ZNF318: variants seen among roughly 807,000 people sequenced by gnomAD.
The protein encoded by ZNF318 is zinc finger protein 318, also known as endocrine regulator.
A neutral mutation model predicts 124.2 loss-of-function variants in ZNF318; 51 were observed. The ratio of observed to expected loss-of-function variants is 0.41; its 90% CI spans 0.33 to 0.52. ZNF318 has a LOEUF of 0.52. Among genes scored for constraint, ZNF318 ranks in the 20% least tolerant of loss-of-function variants. The pLI is 0.23. For synonymous variants in ZNF318, 1,090 were observed against 1,040.7 expected, an observed-to-expected ratio of 1.05 and a Z score of -0.91; for missense variants, 2,815 against 2,811.2, an observed-to-expected ratio of 1.00 and a Z score of -0.03.
At chr6:43,360,550 T>C (rs1453794903) in intron 2 of ZNF318, among the ~76,000 whole-genome samples, 1 of 152,246 alleles carries the variant, frequency 6.6e-6, no homozygotes, top group East Asian at 1.9e-4. Context: ...GGTTTCACTG[T>C]ACTATTCTAC....
chr6:43,355,403 T>C lies in ZNF318; in HGVS notation c.1931A>G (p.His644Arg), dbSNP rs1461217634. Residue 644 changes from histidine to arginine, a missense_variant, in exon 4 of 10, where the codon CAC becomes CGC. Physicochemically the swap from His to Arg is conservative, Grantham distance 29 (BLOSUM62 0). Coordinates refer to ENST00000361428, the MANE Select transcript of ZNF318 (RefSeq NM_014345.3). The stretch of plus-strand genomic sequence containing the variant: ...GAAGCGGTGGTCAACTGAGGAACAG[T>C]GGTCAGCTGAAAAGTATCGGTCAAC... ...SSVDRYFSAD[H>R]CSSVDHRFSA... 3.7e-6 allele frequency: 6 copies of C among 1,613,864 alleles called. No homozygotes were observed. The East Asian group carries it at 6.7e-5, about 18-fold the overall frequency.
At chr6:43,344,586 T>G (rs1293905556) in intron 6 of ZNF318, among the ~76,000 whole-genome samples, 1 of 152,200 alleles carries the variant, frequency 6.6e-6, no homozygotes, top group Non-Finnish European at 1.5e-5. Context: ...TTATCCAAAA[T>G]ACTTTCTCTA....
rs765299148 is a variant in ZNF318, at chr6:43,339,726, T to C, written c.4272A>G (p.Lys1424=). The C allele has an allele frequency of 3.1e-6, 5 of 1,614,092 alleles. No homozygotes were observed. The highest frequency in any genetic ancestry group is 4.2e-6 in the Non-Finnish European group (5 of 1,180,024). ...GCTCACTCTTTTCAGCCAACACCAC[T>C]TTTTCCTCTGGAGACCCTTTTAGAA... ...EVILKGSPEE[K]VVLAEKSEPS... The change falls in exon 10 of 10, where the codon AAA becomes AAG. Residue 1424 remains lysine (K), a synonymous_variant. Transcript: ENST00000361428. This position sits in a 1 kb window ranked among gnomAD's most constrained non-coding sequence, Gnocchi z 4.2.
At chr6:43,368,944 T>C (rs1779797017) in intron 1 of ZNF318, 23 bp downstream of exon 1, 1 of 1,372,544 alleles carries the variant, frequency 7.3e-7, no homozygotes, top group Non-Finnish European at 9.4e-7. Context: ...ATGGAGGGAG[T>C]CCTGGACGAG....
rs753675918 is a variant in ZNF318, at chr6:43,355,706, T to C, written c.1628A>G (p.Glu543Gly). The C allele has an allele frequency of 2.5e-6, 4 of 1,614,054 alleles. No homozygotes were observed. The African/African-American group carries it at 4.0e-5, about 16-fold the overall frequency. ...TACGGATTCTGCCTTTAAATCCTCTTCTTCATCCCCATAGAGAAATTTCTC... is the reference window on the plus strand; with the variant it reads ...TACGGATTCTGCCTTTAAATCCTCTCCTTCATCCCCATAGAGAAATTTCTC... Reference protein sequence around the residue: ...DEEKFLYGDEEEDLKAESVPK... With the variant: ...DEEKFLYGDEGEDLKAESVPK... Residue 543 changes from glutamate (E) to glycine (G), a missense_variant, in exon 4 of 10, where the codon GAA (glutamate) becomes GGA (glycine). Around this residue, in one of 4 missense-constraint regions of ZNF318, gnomAD observed 1,377 missense variants for 1,353.5 expected, o/e 1.02. Coordinates refer to ENST00000361428, the MANE Select transcript of ZNF318 (RefSeq NM_014345.3).
chr6:43,359,629 G>GT (rs1324868471), intron 2 of ZNF318, among the ~76,000 whole-genome samples: 16 of 152,052 alleles, frequency 1.1e-4, no homozygotes, highest in East Asian at 1.9e-4. Flanking sequence ...CTTTTCCTTA[G>GT]TTTTTTTAGT....
chr6:43,342,947 G>A, intron 6 of ZNF318, 68 bp from the exon 7 acceptor site: 1 of 1,323,582 alleles, frequency 7.6e-7, no homozygotes, highest in South Asian at 1.4e-5. Context: ...GTTAGAAATA[G>A]TAAGTGGCCA....
Position 43,352,404 on chromosome 6 carries a change from C to T in ZNF318, c.2743G>A (p.Glu915Lys), listed in dbSNP as rs749000532. 9.9e-6 allele frequency: 16 copies of T among 1,614,030 alleles called. No individual in the cohort carries two copies. The highest frequency in any genetic ancestry group is 1.3e-5 in the African/African-American group (1 of 74,928). The change falls in exon 5 of 10, where the codon GAG (glutamate) becomes AAG (lysine). Residue 915 changes from glutamate (E) to lysine (K), a missense_variant. This residue lies in a region of ZNF318 where 1,377 missense variants were observed against 1,353.5 expected (regional missense o/e 1.02). Transcript: ENST00000361428. ...TGTTGTTTATGAAGCCGCTCTAACT[C>T]GGTCCTAAGATAGTACATCTTCTTC... ...RQKKMYYLRT[E>K]LERLHKQQGE... is the part of the protein sequence containing the mutation.
At chr6:43,362,913 T>A (rs1178270747) in intron 2 of ZNF318, among the ~76,000 whole-genome samples, 2 of 152,190 alleles carry the variant, frequency 1.3e-5, no homozygotes, top group Non-Finnish European at 2.9e-5. Flanking sequence ...CTGGTTTTAG[T>A]GGACAGTAAT....
At position 43,338,657 on chromosome 6, in the gene ZNF318, G is replaced by A; in HGVS notation, c.5341C>T (p.Leu1781=). The A allele has an allele frequency of 6.2e-7, 1 of 1,614,104 alleles. No homozygotes were observed. Residue 1781 remains leucine (L), a synonymous_variant, in exon 10 of 10, where the codon CTA becomes TTA. Transcript: ENST00000361428. ...GACAGCTCCTTTACCCTTTCTTTTA[G>A]TTCAGTGTTTGTCTCTATCTCACTT... is the stretch of plus-strand genomic sequence containing the variant. ...RESEIETNTE[L]KERVKELSEG...
chr6:43,340,508 A>G lies in ZNF318; in HGVS notation c.3496-6T>C. On this transcript the variant is annotated splice_polypyrimidine_tract_variant and splice_region_variant and intron_variant, in intron 9 of 9. Coordinates refer to ENST00000361428, the MANE Select transcript of ZNF318 (RefSeq NM_014345.3). ...GGGTTTTCATCCACATATTTCTGGG[A>G]AGAAAAAAGATAAAGACTCAAAAAC... 6.4e-7 allele frequency: 1 copy of G among 1,570,744 alleles called. No homozygotes were observed. Among genetic ancestry groups the G allele is most frequent in the Non-Finnish European group, 8.6e-7 (1 of 1,164,640 alleles).
In ZNF318 at chr6:43,338,909, C is replaced by A. The variant is rs766189147; in HGVS notation, c.5089G>T (p.Ala1697Ser). 1 of 1,614,104 alleles carries A rather than the reference C, an allele frequency of 6.2e-7. No individual in the cohort carries two copies. The highest frequency in any genetic ancestry group is 2.2e-5 in the East Asian group (1 of 44,886). The change falls in exon 10 of 10, where the codon GCC (alanine) becomes TCC (serine). Residue 1697 changes from alanine to serine, a missense_variant. Around this residue, in one of 4 missense-constraint regions of ZNF318, gnomAD observed 927 missense variants for 820.6 expected, o/e 1.13. Coordinates refer to ENST00000361428, the MANE Select transcript of ZNF318 (RefSeq NM_014345.3). Reference protein sequence around the residue: ...ETITPKTDTLAIWTSSSFQSD... With the variant: ...ETITPKTDTLSIWTSSSFQSD... ...TGGAAGGAACTAGAGGTCCATATGG[C>A]CAAAGTGTCTGTCTTTGGGGTAATT...
chr6:43,360,500 T>TA (rs1031173050), intron 2 of ZNF318, among the ~76,000 whole-genome samples: 3 of 152,284 alleles, frequency 2.0e-5, no homozygotes, highest in East Asian at 3.9e-4. Flanking sequence ...TCTATCTATT[T>TA]AAAAAAACTG....
In ZNF318 at chr6:43,339,212, A is replaced by C. The variant is rs556961763; in HGVS notation, c.4786T>G (p.Leu1596Val). 34 of 1,614,178 alleles carry C rather than the reference A, an allele frequency of 2.1e-5. No individual in the cohort carries two copies. In the South Asian group the frequency reaches 3.7e-4, roughly 18 times the overall value. The change falls in exon 10 of 10, where the codon TTG becomes GTG. Residue 1596 changes from leucine to valine, a missense_variant. Transcript: ENST00000361428. The surrounding 1 kb of genome is among the most constrained non-coding windows in gnomAD (Gnocchi z 4.2). ...APETKLSGGP[L>V]ANGENSNLSR... Reference sequence around the variant, plus strand: ...AGGTTGCTATTTTCCCCATTGGCCAATGGACCACCACTTAGCTTAGTCTCA... The same window carrying C: ...AGGTTGCTATTTTCCCCATTGGCCACTGGACCACCACTTAGCTTAGTCTCA...
At position 43,368,977 on chromosome 6, in the gene ZNF318, C is replaced by T; in HGVS notation, c.389G>A (p.Ser130Asn). ...RDGRGDHPGDSGSRRRSPGLC... is the reference protein window; with the variant it reads ...RDGRGDHPGDNGSRRRSPGLC... ...GAGGGGTGGGATTACCCGGCTGCCGCTGTCGCCTGGATGGTCTCCGCGGCC... is the reference window on the plus strand; with the variant it reads ...GAGGGGTGGGATTACCCGGCTGCCGTTGTCGCCTGGATGGTCTCCGCGGCC... The change falls in exon 1 of 10, where the codon AGC (serine) becomes AAC (asparagine). Residue 130 changes from serine to asparagine, a missense_variant. Transcript: ENST00000361428. The T allele has an allele frequency of 7.0e-7, 1 of 1,425,214 alleles. No individual in the cohort carries two copies. Among genetic ancestry groups the T allele is most frequent in the East Asian group, 3.0e-5 (1 of 32,936 alleles). 88.3% of individuals were successfully genotyped at this position (1,425,214 alleles called of 1,614,324 possible).
chr6:43,340,232 T>C lies in ZNF318; in HGVS notation c.3766A>G (p.Lys1256Glu). 1 of 1,614,230 alleles carries C rather than the reference T, an allele frequency of 6.2e-7. No individual in the cohort carries two copies. Among genetic ancestry groups the C allele is most frequent in the Non-Finnish European group, 8.5e-7 (1 of 1,180,038 alleles). Residue 1256 changes from lysine (K) to glutamate (E), a missense_variant, in exon 10 of 10, where the codon AAA (lysine) becomes GAA (glutamate). By Grantham distance (56) the Lys-to-Glu change is moderately conservative. Coordinates refer to ENST00000361428, the MANE Select transcript of ZNF318 (RefSeq NM_014345.3). ...TTTACCTCTTCTTTTAACTGGAGTT[T>C]GATGCCAGTGTTCCTTTTATTTTCA... ...KAENKRNTGIKLQLKEEVKKE... is the reference protein window; with the variant it reads ...KAENKRNTGIELQLKEEVKKE...
intron 1 of ZNF318, among the ~76,000 whole-genome samples, chr6:43,367,653 T>C (rs1779779557): frequency 1.3e-5 from 2 of 152,246 alleles, no homozygotes; most frequent in Non-Finnish European, 2.9e-5. Context: ...CAGAAAAGAC[T>C]GGAGCAAATA....
chr6:43,339,850 C>CCAGAGGACTTAATAGA lies in ZNF318; in HGVS notation c.4132_4147dup (p.Gly1383ValfsTer3). The CCAGAGGACTTAATAGA allele has an allele frequency of 6.2e-7, 1 of 1,614,148 alleles. No individual in the cohort carries two copies. Among genetic ancestry groups the CCAGAGGACTTAATAGA allele is most frequent in the Non-Finnish European group, 8.5e-7 (1 of 1,180,030 alleles). On this transcript the variant is annotated stop_gained and frameshift_variant, in exon 10 of 10. Transcript: ENST00000361428. LOFTEE classifies it high-confidence loss of function. This position sits in a 1 kb window ranked among gnomAD's most constrained non-coding sequence, Gnocchi z 4.2. Reference sequence around the variant, plus strand: ...CACTGGCAGAGGTTTAGCAGTGGTTCCAGAGGACTTAATAGACAGAAAGGT... The same window carrying CCAGAGGACTTAATAGA: ...CACTGGCAGAGGTTTAGCAGTGGTTCCAGAGGACTTAATAGACAGAGGACTTAATAGACAGAAAGGT...
chr6:43,350,764 T>C (rs937550703), intron 5 of ZNF318, among the ~76,000 whole-genome samples: 1 of 152,096 alleles, frequency 6.6e-6, no homozygotes, highest in African/African-American at 2.4e-5. Context: ...GCTGAGATCA[T>C]GCCACTGCCA....
Sources: gnomAD v4.1 joint callset for allele counts (sites outside exome capture counted in the v4.1 genomes callset) on GRCh38, gnomAD v4.1.1 for gene constraint, gnomAD v4.1.1 regional missense constraint, Gnocchi (gnomAD v3.1) non-coding constraint, MANE v1.5 for transcripts, NCBI Gene and HGNC (gene_info 2026-07-23, HGNC 2026-07-21) for gene names.